AK9: variants seen among roughly 807,000 people sequenced by gnomAD.
The protein encoded by AK9 is adenylate kinase domain containing 1.
Under a neutral mutation model 239.6 loss-of-function variants are expected in AK9, and 191 were observed. The observed-to-expected ratio is 0.80, with a 90% CI of 0.71 to 0.90. The LOEUF (loss-of-function observed/expected upper bound fraction) is 0.90, where lower values mean the gene tolerates loss of function less well. AK9 is among the 40% of genes least tolerant of loss of function. The probability of loss-of-function intolerance (pLI) is 0.00; values close to 1 mark genes in which losing one functional copy is unlikely to be tolerated. For missense variants in AK9, 1,995 were observed against 2,214.7 expected (o/e 0.90, Z 1.99); for synonymous variants, 689 against 721.0 (o/e 0.96, Z 0.71).
chr6:109,497,780 G>A lies in AK9; in HGVS notation c.5216+16C>T. On this transcript the variant is annotated intron_variant, in intron 37 of 40. Coordinates refer to ENST00000424296, the MANE Select transcript of AK9 (RefSeq NM_001145128.3). ...TAGCAATATCATTCTATACTTCCAT[G>A]AAGGCCAGGACTTGCCTTTGGTTTC... 1 of 1,605,648 alleles carries A rather than the reference G, an allele frequency of 6.2e-7. No individual in the cohort carries two copies. The highest frequency in any genetic ancestry group is 8.5e-7 in the Non-Finnish European group (1 of 1,173,586).
rs1459826506 is a variant in AK9 at position 109,516,425 on chromosome 6, A to G, written c.3846+5T>C. 1 of 1,547,976 alleles carries G rather than the reference A, an allele frequency of 6.5e-7. No homozygotes were observed. The highest frequency in any genetic ancestry group is 1.2e-5 in the South Asian group (1 of 83,902). The stretch of plus-strand genomic sequence containing the variant: ...AATTATAAAAAGCAAAGGAAAAGTA[A>G]TAACCTGTATTATTTGTAAATTATG... On this transcript the variant is annotated splice_donor_5th_base_variant and intron_variant, in intron 30 of 40. Coordinates refer to ENST00000424296, the MANE Select transcript of AK9 (RefSeq NM_001145128.3).
chr6:109,546,909 C>G (rs1018626687), intron 25 of AK9, among the ~76,000 whole-genome samples: 5 of 152,126 alleles, frequency 3.3e-5, no homozygotes, highest in Admixed American at 3.3e-4. Flanking sequence ...ATTCAGGTAC[C>G]CTATGGTAGG....
chr6:109,585,923 T>A lies in AK9; in HGVS notation c.1992A>T (p.Glu664Asp). Residue 664 changes from glutamate to aspartate, a missense_variant, in exon 18 of 41, where the codon GAA (glutamate) becomes GAT (aspartate). Physicochemically the swap from Glu to Asp is conservative, Grantham distance 45. This residue lies in a region of AK9 where 1,290 missense variants were observed against 1,392.7 expected (regional missense o/e 0.93). Coordinates refer to ENST00000424296, the MANE Select transcript of AK9 (RefSeq NM_001145128.3). ...PDLVIYLSDT[E>D]NNGKCLFNRI... ...TAATAAATATTTACCAACCATTGTT[T>A]TCTGTATCTGATAAATAGATGACCA... 6.5e-7 allele frequency: 1 copy of A among 1,533,192 alleles called. No homozygotes were observed. The highest frequency in any genetic ancestry group is 1.3e-5 in the South Asian group (1 of 79,476). The allele number at this position is 1,533,192 out of a possible 1,614,324, so 95.0% of individuals were successfully genotyped here.
intron 35 of AK9, among the ~76,000 whole-genome samples, chr6:109,505,167 C>G (rs750411336): frequency 2.6e-5 from 4 of 152,194 alleles, no homozygotes; most frequent in Non-Finnish European, 4.4e-5. Flanking sequence ...TGGTTATGCC[C>G]ACATGGTGAA....
chr6:109,554,350 A>G (rs1315904533), intron 24 of AK9, among the ~76,000 whole-genome samples: 1 of 152,038 alleles, frequency 6.6e-6, no homozygotes, highest in African/African-American at 2.4e-5. Context: ...TTGGTAGGCT[A>G]TTAATTACCT....
chr6:109,622,059 G>A (rs986553170), intron 12 of AK9, among the ~76,000 whole-genome samples: 1 of 145,150 alleles, frequency 6.9e-6, no homozygotes. Context: ...GATAATACAT[G>A]TGTATTATAT....
rs1207848832 is a variant in AK9 at position 109,611,982 on chromosome 6, GA to G, written c.1693+27del. 3.6e-6 allele frequency: 5 copies of G among 1,403,126 alleles called. No homozygotes were observed. In the African/African-American group the frequency reaches 7.6e-5, roughly 21 times the overall value. The allele number at this position is 1,403,126 out of a possible 1,614,324, so 86.9% of individuals were successfully genotyped here. A position where few individuals can be genotyped will look rare whatever the true frequency, so the allele number is the denominator to read the frequency against. On this transcript the variant is annotated intron_variant, in intron 16 of 40. Transcript: ENST00000424296. ...TGTTTTTTAGAACCACAATCTAAAAGAATCAAATTATACAAATATTAATTTA... is the reference window on the plus strand; with the variant it reads ...TGTTTTTTAGAACCACAATCTAAAAGATCAAATTATACAAATATTAATTTA...
chr6:109,573,737 A>G, intron 20 of AK9, 143 bp from the exon 21 acceptor site: 1 of 758,950 alleles, frequency 1.3e-6, no homozygotes, highest in African/African-American at 1.8e-5. Flanking sequence ...GGAGATAGAA[A>G]AATTATCTAT....
At chr6:109,626,099 C>T (rs964341721) in intron 12 of AK9, among the ~76,000 whole-genome samples, 1 of 152,110 alleles carries the variant, frequency 6.6e-6, no homozygotes, top group Non-Finnish European at 1.5e-5. Flanking sequence ...TCCACAAATT[C>T]CAATCTGCAG....
intron 29 of AK9, chr6:109,527,658 C>T (rs1412692673): frequency 6.6e-6 from 1 of 151,846 alleles, no homozygotes; most frequent in African/African-American, 2.4e-5. Context: ...CATCAAACAT[C>T]TCAGGAGTTG....
At chr6:109,515,086 C>T (rs1189501048) in intron 31 of AK9, among the ~76,000 whole-genome samples, 1 of 152,158 alleles carries the variant, frequency 6.6e-6, no homozygotes, top group African/African-American at 2.4e-5. Flanking sequence ...CCTGCTGGCA[C>T]CTTGATCTTG....
chr6:109,504,767 C>T (rs1777945482), intron 35 of AK9, among the ~76,000 whole-genome samples: 1 of 152,164 alleles, frequency 6.6e-6, no homozygotes, highest in South Asian at 2.1e-4. Flanking sequence ...AGAGATCACA[C>T]CACTGCACTC....
intron 8 of AK9, among the ~76,000 whole-genome samples, chr6:109,649,707 C>G (rs1416020175): frequency 1.3e-5 from 2 of 152,188 alleles, no homozygotes; most frequent in Non-Finnish European, 2.9e-5. Context: ...CTACCAATGA[C>G]TTTCTTCACA....
At chr6:109,669,923 T>C (rs959665951) in intron 5 of AK9, among the ~76,000 whole-genome samples, 2 of 152,186 alleles carry the variant, frequency 1.3e-5, no homozygotes, top group African/African-American at 4.8e-5. Context: ...CGTGGCCTTG[T>C]AACCAAATGG....
At chr6:109,560,394 T>A (rs1405949077) in intron 24 of AK9, among the ~76,000 whole-genome samples, 1 of 152,218 alleles carries the variant, frequency 6.6e-6, no homozygotes, top group African/African-American at 2.4e-5. Context: ...CCCTTAAGTA[T>A]GACATTAGCT....
In AK9 at chr6:109,670,322, CCTTTT is replaced by C. The variant is rs565084665; in HGVS notation, c.331+1592_331+1596del. On this transcript the variant is annotated intron_variant, in intron 5 of 40. Coordinates refer to ENST00000424296, the MANE Select transcript of AK9 (RefSeq NM_001145128.3). Reference sequence around the variant, plus strand: ...GGTAATGTGTAATAGGTTTAAGTGTCCTTTTCTTTTAGAGATATAAATGGAACATT... The same window carrying C: ...GGTAATGTGTAATAGGTTTAAGTGTCCTTTTAGAGATATAAATGGAACATT... 5.1e-4 allele frequency among the ~76,000 whole-genome samples: 78 copies of C among 152,136 alleles called. No homozygotes were observed. The South Asian group carries it at 0.016, about 31-fold the overall frequency.
chr6:109,674,390 T>A, intron 2 of AK9, 129 bp from the exon 3 acceptor site: 1 of 621,056 alleles, frequency 1.6e-6, no homozygotes, highest in Non-Finnish European at 2.6e-6. Flanking sequence ...CCATAAAAAA[T>A]GAAGAATAGA....
At chr6:109,624,213 G>C (rs554602251) in intron 12 of AK9, among the ~76,000 whole-genome samples, 1 of 151,998 alleles carries the variant, frequency 6.6e-6, no homozygotes, top group Non-Finnish European at 1.5e-5. Flanking sequence ...AACTGGATTG[G>C]TTATTTTCTA....
chr6:109,533,841 A>AACTGAAAGTTT (rs1781596775), intron 27 of AK9, among the ~76,000 whole-genome samples: 1 of 152,168 alleles, frequency 6.6e-6, no homozygotes, highest in Non-Finnish European at 1.5e-5. Context: ...AATTACTATT[A>AACTGAAAGTTT]ACTGAAAGTT....
Sources: allele counts gnomAD v4.1 joint callset (sites outside exome capture counted in the v4.1 genomes callset), GRCh38; gene constraint gnomAD v4.1.1; regional missense constraint gnomAD v4.1.1; transcripts MANE v1.5; gene names NCBI Gene and HGNC (gene_info 2026-07-23, HGNC 2026-07-21).